Variants in DZANK1 observed in about 807,000 individuals in gnomAD.
The protein encoded by DZANK1 is double zinc ribbon and ankyrin repeat-containing protein 1.
DZANK1 carries 91 observed loss-of-function variants against 94.5 expected under a neutral mutation model. That is an observed-to-expected ratio of 0.96 (90% CI 0.81 to 1.15). The LOEUF (loss-of-function observed/expected upper bound fraction) is 1.15, where lower values mean the gene tolerates loss of function less well. DZANK1 is among the 50% of genes most tolerant of loss of function. DZANK1 has a pLI of 0.00. For synonymous variants in DZANK1, 312 were observed against 325.3 expected (o/e 0.96, Z 0.44); for missense variants, 903 against 916.4 (o/e 0.99, Z 0.19).
intron 13 of DZANK1, among the ~76,000 whole-genome samples, chr20:18,409,966 G>A (rs1456522951): frequency 3.3e-5 from 5 of 150,948 alleles, no homozygotes; most frequent in Admixed American, 6.6e-5. Flanking sequence ...CCAGGAGGCG[G>A]AGGTTGCAGT....
At chr20:18,454,978 T>C (rs1380626796) in intron 4 of DZANK1, among the ~76,000 whole-genome samples, 1 of 152,220 alleles carries the variant, frequency 6.6e-6, no homozygotes, top group Non-Finnish European at 1.5e-5. Context: ...TAAAGGTTTC[T>C]GGTTTTTTCA....
chr20:18,409,416 C>T (rs190398982), intron 13 of DZANK1, among the ~76,000 whole-genome samples: 1 of 152,204 alleles, frequency 6.6e-6, no homozygotes, highest in African/African-American at 2.4e-5. Flanking sequence ...TCAAAGAAAA[C>T]AACTGTAAAG....
intron 10 of DZANK1, among the ~76,000 whole-genome samples, chr20:18,421,738 T>C (rs1336323338): frequency 2.0e-5 from 3 of 152,134 alleles, no homozygotes; most frequent in African/African-American, 7.2e-5. Context: ...CCATAGGCTT[T>C]TGAAAAAATC....
chr20:18,389,915 C>G, intron 18 of DZANK1, 87 bp from the exon 19 acceptor site: 1 of 1,563,678 alleles, frequency 6.4e-7, no homozygotes. Context: ...TAACAGATGT[C>G]CTTTACAGAG....
chr20:18,431,354 G>A lies in DZANK1; in HGVS notation c.861+2298C>T, dbSNP rs73902467. On this transcript the variant is annotated intron_variant, in intron 9 of 20. Transcript: ENST00000262547. ...AAGGAAGAGCGCAGATGGTGCTTTT[G>A]CACTCAGTGGAGTGAGCTAGAGACC... Among the ~76,000 whole-genome samples, 1,106 of 152,072 alleles carry A rather than the reference G, an allele frequency of 7.3e-3. 14 individuals carry two copies. Among genetic ancestry groups the A allele is most frequent in the African/African-American group, 0.026 (1,070 of 41,494 alleles).
At chr20:18,390,398 A>G (rs1194386600) in exon 18 of DZANK1, 2 of 1,613,980 alleles carry the variant, frequency 1.2e-6, no homozygotes, top group South Asian at 1.1e-5. Context: ...CAGCTGTTCA[A>G]TCACAGAGAC....
At chr20:18,435,524 T>A (rs1435527835) in intron 8 of DZANK1, among the ~76,000 whole-genome samples, 1 of 152,096 alleles carries the variant, frequency 6.6e-6, no homozygotes, top group East Asian at 1.9e-4. Flanking sequence ...ATGTTTTCAC[T>A]CATAAGTGGG....
chr20:18,453,739 T>C (rs113014525), exon 5 of DZANK1: 5 of 1,610,512 alleles, frequency 3.1e-6, no homozygotes, highest in African/African-American at 2.7e-5. Flanking sequence ...ACCTGGAAAC[T>C]TTCTAAGGTT....
At chr20:18,439,216 T>A (rs975090335) in intron 8 of DZANK1, among the ~76,000 whole-genome samples, 2 of 152,172 alleles carry the variant, frequency 1.3e-5, no homozygotes, top group African/African-American at 4.8e-5. Context: ...CATTTCCTTT[T>A]CCCCACTGCA....
At chr20:18,398,269 T>C (rs969602218) in intron 14 of DZANK1, 40 of 462,222 alleles carry the variant, frequency 8.7e-5, no homozygotes, top group Non-Finnish European at 3.6e-5. Flanking sequence ...ATTTCCAATG[T>C]GACATCTGAG....
rs889289723 is a variant in DZANK1, at chr20:18,424,867, GA to G, written c.954+2199del. ...AGGAATAGTACTCAACAATCAAAAT[GA>G]AAAAAAAAATCAATACATGCAACAA... On this transcript the variant is annotated intron_variant, in intron 10 of 20. Transcript: ENST00000262547. Among the ~76,000 whole-genome samples, 212 of 147,276 alleles carry G rather than the reference GA, an allele frequency of 1.4e-3. 1 individual carries two copies. Among genetic ancestry groups the G allele is most frequent in the African/African-American group, 4.8e-3 (194 of 40,180 alleles).
chr20:18,414,864 T>C (rs879673785), intron 11 of DZANK1, among the ~76,000 whole-genome samples: 3 of 152,230 alleles, frequency 2.0e-5, no homozygotes, highest in Admixed American at 2.0e-4. Flanking sequence ...TCAGTGTTCA[T>C]AGCACCAGTT....
At chr20:18,460,414 T>C (rs533703733) in intron 2 of DZANK1, 108 bp from the exon 3 acceptor site, 2 of 878,012 alleles carry the variant, frequency 2.3e-6, no homozygotes, top group East Asian at 2.9e-5. Context: ...AGATTTAAAG[T>C]TGTGATTTAA....
chr20:18,443,533 T>C, intron 7 of DZANK1, 69 bp from the exon 8 acceptor site: 1 of 889,284 alleles, frequency 1.1e-6, no homozygotes, highest in Non-Finnish European at 1.6e-6. Flanking sequence ...GATAAAAATC[T>C]AAAAGCGGTC....
At chr20:18,393,621 A>G in intron 17 of DZANK1, 90 bp downstream of exon 17, 1 of 831,812 alleles carries the variant, frequency 1.2e-6, no homozygotes, top group Non-Finnish European at 1.9e-6. Context: ...AAAATGAGAA[A>G]TTATTCTTCC....
intron 6 of DZANK1, among the ~76,000 whole-genome samples, chr20:18,449,693 A>G (rs73601821): frequency 7.0e-6 from 1 of 142,230 alleles, no homozygotes; most frequent in Admixed American, 7.1e-5. Context: ...AGGAGGTGGA[A>G]GTTGTGGTGA....
chr20:18,384,427 G>C (rs2048354707), exon 21 of DZANK1: 1 of 1,611,706 alleles, frequency 6.2e-7, no homozygotes, highest in Non-Finnish European at 8.5e-7. Context: ...GAGGCTCCTA[G>C]TTTGAGCGAG....
chr20:18,428,954 T>C (rs2058173272), intron 9 of DZANK1, among the ~76,000 whole-genome samples: 1 of 152,206 alleles, frequency 6.6e-6, no homozygotes, highest in African/African-American at 2.4e-5. Context: ...AGAGGCCAAC[T>C]GACTGCTATT....
chr20:18,444,315 A>G lies in DZANK1; in HGVS notation c.630-851T>C, dbSNP rs567919759. Among the ~76,000 whole-genome samples, 7 of 152,368 alleles carry G rather than the reference A, an allele frequency of 4.6e-5. No individual in the cohort carries two copies. In the South Asian group the frequency reaches 1.4e-3, roughly 32 times the overall value. On this transcript the variant is annotated intron_variant, in intron 7 of 20. Coordinates refer to ENST00000262547, the Ensembl canonical transcript of DZANK1. ...TGGCATGGGCCCACCCGCCAGAGCAACAACAGTTCCCTCTTTTCTATGCTT... is the reference window on the plus strand; with the variant it reads ...TGGCATGGGCCCACCCGCCAGAGCAGCAACAGTTCCCTCTTTTCTATGCTT...
Sources: gnomAD v4.1 joint callset for allele counts (sites outside exome capture counted in the v4.1 genomes callset) on GRCh38, gnomAD v4.1.1 for gene constraint, MANE v1.5 for transcripts, NCBI Gene and HGNC (gene_info 2026-07-23, HGNC 2026-07-21) for gene names.